The following OR6P1 variants were observed in gnomAD, a reference collection of about 807,000 sequenced individuals.
The protein encoded by OR6P1 is olfactory receptor 6P1.
A neutral mutation model predicts 6.6 loss-of-function variants in OR6P1; 5 were observed. The ratio of observed to expected loss-of-function variants is 0.76; its 90% confidence interval spans 0.40 to 1.60. OR6P1 has a LOEUF of 1.60. OR6P1 is among the 40% of genes most tolerant of loss of function. OR6P1 has a pLI of 0.02. For synonymous variants in OR6P1, 177 were observed against 149.6 expected, an observed-to-expected ratio of 1.18 and a Z score of -1.33; for missense variants, 451 against 383.0, an observed-to-expected ratio of 1.18 and a Z score of -1.48.
rs767409690 is a variant in OR6P1, at chr1:158,563,149, G to A, written c.456C>T (p.Gly152=). 17 of 1,551,506 alleles carry A rather than the reference G, an allele frequency of 1.1e-5. No homozygotes were observed. In the African/African-American group the frequency reaches 2.2e-4, roughly 20 times the overall value. Residue 152 remains glycine (G), a synonymous_variant, in exon 3 of 3, where the codon GGC becomes GGT. Transcript: ENST00000641540. ...TRLAAASWGS[G]FFSSMMKLLF... ...GAAGCTTCATCATGGAGCTGAAGAA[G>A]CCACTGCCCCAAGAGGCAGCAGCAA...
chr1:158,563,447 G>C lies in OR6P1; in HGVS notation c.158C>G (p.Pro53Arg), dbSNP rs778272107. ...AAAGTACATGGGACGATGAAGGCTTGGAGCAAGCCATATTGTGAAGACAAT... is the reference window on the plus strand; with the variant it reads ...AAAGTACATGGGACGATGAAGGCTTCGAGCAAGCCATATTGTGAAGACAAT... Reference protein sequence around the residue: ...ALIVFTIWLAPSLHRPMYFFL... With the variant: ...ALIVFTIWLARSLHRPMYFFL... The change falls in exon 3 of 3, where the codon CCA becomes CGA. Residue 53 changes from proline (P) to arginine (R), a missense_variant. Pro to Arg is a moderately radical substitution (Grantham distance 103). Transcript: ENST00000641540. The C allele has an allele frequency of 3.5e-5, 54 of 1,551,104 alleles. No individual in the cohort carries two copies. The Middle Eastern group carries it at 1.7e-3, about 48-fold the overall frequency.
Position 158,563,236 on chromosome 1 carries a change from G to A in OR6P1, c.369C>T (p.Tyr123=). The stretch of plus-strand genomic sequence containing the variant: ...AAAGGAGGGGTCCACAGATGGCCAG[G>A]TAGCGATCATAGGCCATAACTGCCA... The part of the protein sequence containing the change: ...VLLAVMAYDR[Y]LAICGPLLYP... Residue 123 remains tyrosine, a synonymous_variant, in exon 3 of 3, where the codon TAC becomes TAT. Transcript: ENST00000641540. 1 of 1,551,590 alleles carries A rather than the reference G, an allele frequency of 6.4e-7. No homozygotes were observed. Among genetic ancestry groups the A allele is most frequent in the Non-Finnish European group, 8.7e-7 (1 of 1,146,968 alleles).
At position 158,562,760 on chromosome 1, in the gene OR6P1, A is replaced by G. The variant is rs1359186564; in HGVS notation, c.845T>C (p.Val282Ala). 8.4e-6 allele frequency: 13 copies of G among 1,556,270 alleles called. No homozygotes were observed. In the African/African-American group the frequency reaches 1.6e-4, roughly 20 times the overall value. ...GTAGATGGCTGGGTTGAAGAATGGT[A>G]CAATGATAGTGTAGAGCACAGAGAT... is the stretch of plus-strand genomic sequence containing the variant. ...KIISVLYTII[V>A]PFFNPAIYCL... Residue 282 changes from valine to alanine, a missense_variant, in exon 3 of 3, where the codon GTA (valine) becomes GCA (alanine). Transcript: ENST00000641540.
rs750655649 is a variant in OR6P1 at position 158,563,382 on chromosome 1, T to C, written c.223A>G (p.Asn75Asp). 8.4e-6 allele frequency: 13 copies of C among 1,551,422 alleles called. No individual in the cohort carries two copies. Among genetic ancestry groups the C allele is most frequent in the South Asian group, 2.4e-5 (2 of 84,034 alleles). ...HLSFLELWYI[N>D]VTIPRLLAAF... ...GCCAAGAGCCGAGGAATGGTGACAT[T>C]GATGTACCATAGCTCCAGGAAAGAG... is the stretch of plus-strand genomic sequence containing the variant. Residue 75 changes from asparagine (N) to aspartate (D), a missense_variant, in exon 3 of 3, where the codon AAT becomes GAT. Asn to Asp is a conservative substitution (Grantham distance 23). Transcript: ENST00000641540.
intron 1 of OR6P1, among the ~76,000 whole-genome samples, chr1:158,568,912 C>T (rs1218900281): frequency 6.6e-6 from 1 of 152,180 alleles, no homozygotes; most frequent in Non-Finnish European, 1.5e-5. Flanking sequence ...AGATCTCACT[C>T]ATTGCTCTAT....
chr1:158,563,429 A>C lies in OR6P1; in HGVS notation c.176T>G (p.Met59Arg), dbSNP rs114956415. 2.8e-3 allele frequency: 4,283 copies of C among 1,551,316 alleles called. 121 individuals carry two copies. In the African/African-American group the frequency reaches 0.051, roughly 19 times the overall value. ...AGAGAGATGGCCAAGGAAAAAGTAC[A>C]TGGGACGATGAAGGCTTGGAGCAAG... ...IWLAPSLHRP[M>R]YFFLGHLSFL... Residue 59 changes from methionine (M) to arginine (R), a missense_variant, in exon 3 of 3, where the codon ATG becomes AGG. Transcript: ENST00000641540.
At chr1:158,564,170 G>A (rs1648040441) in intron 2 of OR6P1, among the ~76,000 whole-genome samples, 1 of 152,160 alleles carries the variant, frequency 6.6e-6, no homozygotes, top group Admixed American at 6.5e-5. Context: ...CAATACAAAG[G>A]AGATAATGAA....
chr1:158,562,632 TCC>T lies in OR6P1; in HGVS notation c.*17_*18del. The T allele has an allele frequency of 7.0e-7, 1 of 1,436,240 alleles. No individual in the cohort carries two copies. The highest frequency in any genetic ancestry group is 9.6e-7 in the Non-Finnish European group (1 of 1,041,394). 89.0% of individuals were successfully genotyped at this position (1,436,240 alleles called of 1,614,324 possible). On this transcript the variant is annotated 3_prime_UTR_variant, in exon 3 of 3. Coordinates refer to ENST00000641540, the MANE Select transcript of OR6P1 (RefSeq NM_001160325.2). ...ATTAAGATTCTGCTATTTTCACCTC[TCC>T]CAAGACCTGTTGTATATCAGTCCTG...
intron 1 of OR6P1, among the ~76,000 whole-genome samples, chr1:158,570,114 T>G (rs1648202331): frequency 6.6e-6 from 1 of 152,244 alleles, no homozygotes; most frequent in Non-Finnish European, 1.5e-5. Context: ...TATCATGGCT[T>G]TCTGCTTTCT....
At chr1:158,564,722 A>G (rs1648054149) in intron 2 of OR6P1, among the ~76,000 whole-genome samples, 1 of 152,220 alleles carries the variant, frequency 6.6e-6, no homozygotes. Context: ...CAGAACTGTG[A>G]GAAAATAACT....
At chr1:158,570,138 C>G (rs1648202919) in intron 1 of OR6P1, among the ~76,000 whole-genome samples, 1 of 152,144 alleles carries the variant, frequency 6.6e-6, no homozygotes, top group Non-Finnish European at 1.5e-5. Flanking sequence ...TTCCCCTTTC[C>G]CACACATATT....
rs902225808 is a variant in OR6P1, at chr1:158,562,049, C to G, written c.*602G>C. 1.3e-5 allele frequency: 2 copies of G among 152,546 alleles called. No homozygotes were observed. Among genetic ancestry groups the G allele is most frequent in the African/African-American group, 4.8e-5 (2 of 41,428 alleles). The allele number at this position is 152,546 out of a possible 1,614,324, so 9.4% of individuals were successfully genotyped here. A position where few individuals can be genotyped will look rare whatever the true frequency, so the allele number is the denominator to read the frequency against. On this transcript the variant is annotated 3_prime_UTR_variant, in exon 3 of 3. Coordinates refer to ENST00000641540, the MANE Select transcript of OR6P1 (RefSeq NM_001160325.2). ...GAGTCAAGAATATATGGCTGAATATCAGCACTGCATCTCTCTCTGCTTTGA... is the reference window on the plus strand; with the variant it reads ...GAGTCAAGAATATATGGCTGAATATGAGCACTGCATCTCTCTCTGCTTTGA...
intron 2 of OR6P1, among the ~76,000 whole-genome samples, chr1:158,564,210 G>A (rs757037201): frequency 5.9e-4 from 89 of 152,092 alleles, no homozygotes; most frequent in Admixed American, 9.8e-4. Flanking sequence ...TTATTTTTCC[G>A]TTCACTTTAC....
rs902096433 is a variant in OR6P1 at position 158,562,562 on chromosome 1, A to G, written c.*89T>C. The G allele has an allele frequency of 2.7e-6, 2 of 732,738 alleles. No homozygotes were observed. Among genetic ancestry groups the G allele is most frequent in the Non-Finnish European group, 4.6e-6 (2 of 431,112 alleles). 45.4% of individuals were successfully genotyped at this position (732,738 alleles called of 1,614,324 possible). ...TTTAGAGAAAATGTTGGCAAATTATATTTATGTTCCCTTAAAGCCTATTCT... is the reference window on the plus strand; with the variant it reads ...TTTAGAGAAAATGTTGGCAAATTATGTTTATGTTCCCTTAAAGCCTATTCT... On this transcript the variant is annotated 3_prime_UTR_variant, in exon 3 of 3. Coordinates refer to ENST00000641540, the MANE Select transcript of OR6P1 (RefSeq NM_001160325.2).
At position 158,562,999 on chromosome 1, in the gene OR6P1, C is replaced by T; in HGVS notation, c.606G>A (p.Leu202=). 1.3e-6 allele frequency: 2 copies of T among 1,551,628 alleles called. No homozygotes were observed. The highest frequency in any genetic ancestry group is 1.7e-6 in the Non-Finnish European group (2 of 1,146,986). Residue 202 remains leucine (L), a synonymous_variant, in exon 3 of 3, where the codon CTG becomes CTA. Transcript: ENST00000641540. ...GAGGGAGTAGAATCATCACCAGGGC[C>T]AGAAGGAAGTCTACTAGCTCTGCTT... ...KEQAELVDFL[L]ALVMILLPLL...
chr1:158,562,203 C>T lies in OR6P1; in HGVS notation c.*448G>A, dbSNP rs558586649. Reference sequence around the variant, plus strand: ...ATCTTTGAAATTGTTACACTGAAGTCTACCAAATTTTTTTCTTGGCATGTC... The same window carrying T: ...ATCTTTGAAATTGTTACACTGAAGTTTACCAAATTTTTTTCTTGGCATGTC... On this transcript the variant is annotated 3_prime_UTR_variant, in exon 3 of 3. Coordinates refer to ENST00000641540, the MANE Select transcript of OR6P1 (RefSeq NM_001160325.2). The T allele has an allele frequency of 1.8e-4, 28 of 156,852 alleles. No individual in the cohort carries two copies. The South Asian group carries it at 5.5e-3, about 31-fold the overall frequency. The allele number at this position is 156,852 out of a possible 1,614,324, so 9.7% of individuals were successfully genotyped here.
intron 2 of OR6P1, among the ~76,000 whole-genome samples, chr1:158,564,793 T>C (rs926185125): frequency 6.6e-6 from 1 of 152,210 alleles, no homozygotes; most frequent in African/African-American, 2.4e-5. Context: ...GGGAAACTGA[T>C]GCAACTGGTG....
At chr1:158,564,281 A>G (rs904219599) in intron 2 of OR6P1, among the ~76,000 whole-genome samples, 2 of 152,216 alleles carry the variant, frequency 1.3e-5, no homozygotes. Context: ...AGGAGGTATA[A>G]CAGATTAAAA....
rs1647959442 is a variant in OR6P1 at position 158,561,791 on chromosome 1, A to G, written c.*860T>C. On this transcript the variant is annotated 3_prime_UTR_variant, in exon 3 of 3. Transcript: ENST00000641540. ...CTTCAATCTTCTTTCTTATGAAGGC[A>G]TTTTCTGTTCTTACAATCCTTTGAC... The G allele has an allele frequency of 6.6e-6, 1 of 152,192 alleles. No individual in the cohort carries two copies. The highest frequency in any genetic ancestry group is 1.5e-5 in the Non-Finnish European group (1 of 68,036). The allele number at this position is 152,192 out of a possible 1,614,324, so 9.4% of individuals were successfully genotyped here. A position where few individuals can be genotyped will look rare whatever the true frequency, so the allele number is the denominator to read the frequency against.
Sources: allele counts gnomAD v4.1 joint callset (sites outside exome capture counted in the v4.1 genomes callset), GRCh38; gene constraint gnomAD v4.1.1; transcripts MANE v1.5; gene names NCBI Gene and HGNC (gene_info 2026-07-23, HGNC 2026-07-21).